FAM228A: variants seen among roughly 807,000 people sequenced by gnomAD.
The protein encoded by FAM228A is protein FAM228A.
In FAM228A, 13 loss-of-function variants were observed where a neutral mutation model predicts 18.6. The observed-to-expected ratio is 0.70, with a 90% CI of 0.45 to 1.11. The LOEUF is 1.11. FAM228A is among the 50% of genes least tolerant of loss of function. The pLI is 0.00. For synonymous variants in FAM228A, 77 were observed against 86.6 expected (o/e 0.89, Z 0.61); for missense variants, 240 against 242.2 (o/e 0.99, Z 0.06).
At chr2:24,186,698 G>T (rs1396812971) in intron 5 of FAM228A, among the ~76,000 whole-genome samples, 1 of 151,940 alleles carries the variant, frequency 6.6e-6, no homozygotes, top group Non-Finnish European at 1.5e-5. Flanking sequence ...GAGTGCAATG[G>T]CATGATCTTG....
Position 24,175,122 on chromosome 2 carries a change from C to A in FAM228A, c.-67C>A, listed in dbSNP as rs371489525. On this transcript the variant is annotated 5_prime_UTR_variant, in exon 1 of 6. Coordinates refer to ENST00000295150, the MANE Select transcript of FAM228A (RefSeq NM_001040710.3). The stretch of plus-strand genomic sequence containing the variant: ...GCTCCAGGACGCGGCCTCGGGGGAG[C>A]CCTACCGGGACGGAGCCGCGGGGCC... The A allele has an allele frequency of 4.8e-6, 1 of 206,788 alleles. No homozygotes were observed. Among genetic ancestry groups the A allele is most frequent in the Non-Finnish European group, 9.6e-6 (1 of 103,720 alleles). 12.8% of individuals were successfully genotyped at this position (206,788 alleles called of 1,614,324 possible).
chr2:24,190,893 T>A lies in FAM228A; in HGVS notation c.*262T>A. 1 of 1,176,928 alleles carries A rather than the reference T, an allele frequency of 8.5e-7. No homozygotes were observed. Among genetic ancestry groups the A allele is most frequent in the Non-Finnish European group, 1.1e-6 (1 of 950,954 alleles). The allele number at this position is 1,176,928 out of a possible 1,614,324, so 72.9% of individuals were successfully genotyped here. A position where few individuals can be genotyped will look rare whatever the true frequency, so the allele number is the denominator to read the frequency against. ...ACCTGGCCACAGGGGCTTTTCCCCC[T>A]GAGATTTCTTCAGCGCCTTCGCCCG... On this transcript the variant is annotated 3_prime_UTR_variant, in exon 6 of 6. Coordinates refer to ENST00000295150, the MANE Select transcript of FAM228A (RefSeq NM_001040710.3).
intron 1 of FAM228A, 48 bp downstream of exon 1, chr2:24,175,222 A>G: frequency 2.2e-6 from 1 of 451,172 alleles, no homozygotes; most frequent in Non-Finnish European, 4.0e-6. Flanking sequence ...GAGCCCAGGG[A>G]GGGCTGTGGC....
chr2:24,190,797 C>T lies in FAM228A; in HGVS notation c.*166C>T, dbSNP rs936711762. On this transcript the variant is annotated 3_prime_UTR_variant, in exon 6 of 6. Transcript: ENST00000295150. ...CGGGGAAGCCTTGCATGAAGAAACT[C>T]AGACAAGTGGTAAATGTGGGACCTG... 6.1e-6 allele frequency: 8 copies of T among 1,320,284 alleles called. No individual in the cohort carries two copies. The African/African-American group carries it at 1.0e-4, about 17-fold the overall frequency. 81.8% of individuals were successfully genotyped at this position (1,320,284 alleles called of 1,614,324 possible).
chr2:24,184,127 C>T (rs1201577869), intron 5 of FAM228A, among the ~76,000 whole-genome samples: 1 of 152,178 alleles, frequency 6.6e-6, no homozygotes, highest in Admixed American at 6.5e-5. Context: ...CACCTGTAAT[C>T]CCAGCACTTT....
At chr2:24,175,770 T>G in intron 2 of FAM228A, 197 bp downstream of exon 2, 4 of 767,788 alleles carry the variant, frequency 5.2e-6, no homozygotes, top group Non-Finnish European at 1.9e-6. Context: ...GCCTGGGGGC[T>G]GGCGCACCGA....
chr2:24,175,250 C>G lies in FAM228A; in HGVS notation c.-15+76C>G, dbSNP rs987658381. ...GCTGTGGCAGGGCCAGGGGGGCGCGCCCCGGAGGAAAGGCCCGCTTTGGCC... is the reference window on the plus strand; with the variant it reads ...GCTGTGGCAGGGCCAGGGGGGCGCGGCCCGGAGGAAAGGCCCGCTTTGGCC... On this transcript the variant is annotated intron_variant, in intron 1 of 5. Transcript: ENST00000295150. The G allele has an allele frequency of 1.2e-5, 6 of 520,586 alleles. No homozygotes were observed. The African/African-American group carries it at 1.2e-4, about 10-fold the overall frequency. 32.2% of individuals were successfully genotyped at this position (520,586 alleles called of 1,614,324 possible). A position where few individuals can be genotyped will look rare whatever the true frequency, so the allele number is the denominator to read the frequency against.
chr2:24,177,907 C>T (rs779368745), intron 3 of FAM228A, 37 bp downstream of exon 3: 77 of 1,361,018 alleles, frequency 5.7e-5, no homozygotes, highest in Non-Finnish European at 7.4e-5. Flanking sequence ...TACATATGTT[C>T]TAGGGGAGCA....
rs963859036 is a variant in FAM228A, at chr2:24,190,937, A to G, written c.*306A>G. On this transcript the variant is annotated 3_prime_UTR_variant, in exon 6 of 6. Transcript: ENST00000295150. The stretch of plus-strand genomic sequence containing the variant: ...TCGCCCGGGCCTTTGCCCTTCTGCC[A>G]CTTTCCTACCATTTTCCACTTACTC... 2.8e-5 allele frequency: 31 copies of G among 1,092,536 alleles called. No homozygotes were observed. Among genetic ancestry groups the G allele is most frequent in the African/African-American group, 2.1e-4 (13 of 61,166 alleles). The allele number at this position is 1,092,536 out of a possible 1,614,324, so 67.7% of individuals were successfully genotyped here.
At position 24,191,146 on chromosome 2, in the gene FAM228A, C is replaced by G. The variant is rs1668075244; in HGVS notation, c.*515C>G. ...TATCCAGAGCTCATGGTTCATTTGA[C>G]ACAGTTTTCAGCTCCTGGTCTATTT... On this transcript the variant is annotated 3_prime_UTR_variant, in exon 6 of 6. Coordinates refer to ENST00000295150, the MANE Select transcript of FAM228A (RefSeq NM_001040710.3). 1.0e-6 allele frequency: 1 copy of G among 985,530 alleles called. No individual in the cohort carries two copies. Among genetic ancestry groups the G allele is most frequent in the East Asian group, 1.1e-4 (1 of 8,832 alleles). The allele number at this position is 985,530 out of a possible 1,614,324, so 61.0% of individuals were successfully genotyped here. A position where few individuals can be genotyped will look rare whatever the true frequency, so the allele number is the denominator to read the frequency against.
Position 24,190,438 on chromosome 2 carries a change from A to G in FAM228A, c.428A>G (p.Lys143Arg), listed in dbSNP as rs746965978. The G allele has an allele frequency of 6.2e-7, 1 of 1,613,580 alleles. No homozygotes were observed. The highest frequency in any genetic ancestry group is 2.2e-5 in the East Asian group (1 of 44,882). Residue 143 changes from lysine to arginine, a missense_variant, in exon 6 of 6, where the codon AAG becomes AGG. By Grantham distance (26) the Lys-to-Arg change is conservative (BLOSUM62 2). Transcript: ENST00000295150. ...YSPEKLIYAD[K>R]KQKRKEKKTA... ...CCTGAAAAGCTCATCTATGCAGACA[A>G]GAAACAGAAAAGAAAAGAGAAAAAG...
intron 3 of FAM228A, 27 bp from the exon 4 acceptor site, chr2:24,183,258 A>C: frequency 6.7e-7 from 1 of 1,503,534 alleles, no homozygotes; most frequent in Non-Finnish European, 9.3e-7. Context: ...GCACTCTGGT[A>C]CTCAAAGAGT....
At chr2:24,179,776 C>T (rs1395761919) in intron 3 of FAM228A, among the ~76,000 whole-genome samples, 1 of 152,140 alleles carries the variant, frequency 6.6e-6, no homozygotes, top group Non-Finnish European at 1.5e-5. Context: ...TACTCCTTTG[C>T]AGGAAGCAAA....
intron 3 of FAM228A, among the ~76,000 whole-genome samples, chr2:24,182,667 C>T (rs926818052): frequency 6.6e-6 from 1 of 152,130 alleles, no homozygotes; most frequent in African/African-American, 2.4e-5. Flanking sequence ...AGCACTGCCC[C>T]TGCTCCTACA....
chr2:24,183,396 A>AT (rs532971475), intron 4 of FAM228A, 24 bp downstream of exon 4: 32 of 1,610,660 alleles, frequency 2.0e-5, no homozygotes, highest in South Asian at 1.5e-4. Flanking sequence ...ACTGGGCCTC[A>AT]TTTTTTTGAG....
chr2:24,189,465 T>A (rs1002372239), intron 5 of FAM228A, among the ~76,000 whole-genome samples: 9 of 152,156 alleles, frequency 5.9e-5, no homozygotes, highest in African/African-American at 2.2e-4. Flanking sequence ...AAGAGGGCAG[T>A]TATCACAGGG....
chr2:24,183,644 A>G lies in FAM228A; in HGVS notation c.400A>G (p.Ser134Gly). 6.3e-7 allele frequency: 1 copy of G among 1,593,340 alleles called. No homozygotes were observed. The highest frequency in any genetic ancestry group is 8.5e-7 in the Non-Finnish European group (1 of 1,171,176). Residue 134 changes from serine to glycine, a missense_variant and splice_region_variant, in exon 5 of 6, where the codon AGT (serine) becomes GGT (glycine). Physicochemically the swap from Ser to Gly is moderately conservative, Grantham distance 56. Transcript: ENST00000295150. ...ARARSKTYKY[S>G]PEKLIYADKK... ...AGCCAGGAGTAAAACTTACAAATAC[A>G]GGTACAGATGAGCAGAACAAACAAA...
Position 24,175,546 on chromosome 2 carries a change from G to A in FAM228A, c.66G>A (p.Pro22=), listed in dbSNP as rs780382145. ...HFRPEKLREW[P]EPESVSLMEV... ...GGCCAGAAAAGTTAAGAGAATGGCC[G>A]GAGCCCGAGTCCGTTTCTTTAATGG... The change falls in exon 2 of 6, where the codon CCG becomes CCA. Residue 22 remains proline, a synonymous_variant. Coordinates refer to ENST00000295150, the MANE Select transcript of FAM228A (RefSeq NM_001040710.3). The A allele has an allele frequency of 7.4e-6, 12 of 1,613,898 alleles. No individual in the cohort carries two copies. The Admixed American group carries it at 1.2e-4, about 16-fold the overall frequency.
At chr2:24,179,719 C>A (rs181690263) in intron 3 of FAM228A, among the ~76,000 whole-genome samples, 118 of 152,264 alleles carry the variant, frequency 7.7e-4, no homozygotes, top group African/African-American at 2.8e-3. Flanking sequence ...TCATTCAGGG[C>A]AGGAGGAAGG....
Sources: allele counts gnomAD v4.1 joint callset (sites outside exome capture counted in the v4.1 genomes callset), GRCh38; gene constraint gnomAD v4.1.1; transcripts MANE v1.5; gene names NCBI Gene and HGNC (gene_info 2026-07-23, HGNC 2026-07-21).